ERG: variants seen among roughly 807,000 people sequenced by gnomAD.
The protein encoded by ERG is transcriptional regulator ERG.
In ERG, 9 loss-of-function variants were observed where a neutral mutation model predicts 55.3. The observed-to-expected ratio is 0.16, with a 90% CI of 0.10 to 0.28. The LOEUF is 0.28. Ranked by LOEUF, ERG falls within the 10% of genes least tolerant of loss-of-function variation. ERG has a pLI of 1.00. For missense variants in ERG, 434 were observed against 631.6 expected, an observed-to-expected ratio of 0.69 and a Z score of 3.35; for synonymous variants, 223 against 237.3, an observed-to-expected ratio of 0.94 and a Z score of 0.55.
chr21:38,609,153 G>A (rs1311814205), intron 1 of ERG, among the ~76,000 whole-genome samples: 1 of 152,176 alleles, frequency 6.6e-6, no homozygotes, highest in East Asian at 1.9e-4. Flanking sequence ...ACTCCAGACA[G>A]TAACAAGGGA....
At chr21:38,423,911 G>A (rs944199439) in intron 2 of ERG, among the ~76,000 whole-genome samples, 1 of 152,168 alleles carries the variant, frequency 6.6e-6, no homozygotes, top group African/African-American at 2.4e-5. Context: ...GGGAGGTGGA[G>A]GTTGCAGTGA....
intron 2 of ERG, among the ~76,000 whole-genome samples, chr21:38,559,385 T>C (rs1001925040): frequency 3.2e-4 from 44 of 136,624 alleles, no homozygotes; most frequent in Non-Finnish European, 9.3e-5. Context: ...CCATTTCCCT[T>C]TTTTTTTTTT....
In ERG at chr21:38,461,320, C is replaced by T. The variant is rs184105572; in HGVS notation, c.19-15699G>A. Among the ~76,000 whole-genome samples, 10 of 152,248 alleles carry T rather than the reference C, an allele frequency of 6.6e-5. No homozygotes were observed. In the East Asian group the frequency reaches 1.9e-3, roughly 29 times the overall value. On this transcript the variant is annotated intron_variant, in intron 1 of 9. Transcript: ENST00000288319. ...TACCTCTTTTTATAAGGACATCAGT[C>T]CCACTGAATTAAGGACCACCCTAAG...
At chr21:38,565,366 C>T (rs574530355) in intron 2 of ERG, among the ~76,000 whole-genome samples, 224 of 152,318 alleles carry the variant, frequency 1.5e-3, no homozygotes, top group African/African-American at 5.0e-3. Context: ...AAAATTCAAT[C>T]AGATCACATC....
At chr21:38,420,615 T>A (rs1198526859) in intron 3 of ERG, among the ~76,000 whole-genome samples, 1 of 152,214 alleles carries the variant, frequency 6.6e-6, no homozygotes. Context: ...AAATCCTGGG[T>A]GCTCTGACTT....
rs200402408 is a variant in ERG at position 38,389,657 on chromosome 21, G to A, written c.919+1338C>T. Reference sequence around the variant, plus strand: ...GGCTACTAGATGAAAGCCAGCATGAGCAAAAAGGGCCTGTGGCTCTGTGTT... The same window carrying A: ...GGCTACTAGATGAAAGCCAGCATGAACAAAAAGGGCCTGTGGCTCTGTGTT... On this transcript the variant is annotated intron_variant, in intron 9 of 9. Coordinates refer to ENST00000288319, the MANE Select transcript of ERG (RefSeq NM_182918.4). Among the ~76,000 whole-genome samples, 6 of 151,116 alleles carry A rather than the reference G, an allele frequency of 4.0e-5. No homozygotes were observed. The East Asian group carries it at 9.7e-4, about 24-fold the overall frequency.
At chr21:38,455,075 T>C (rs947004384) in intron 1 of ERG, among the ~76,000 whole-genome samples, 1 of 151,294 alleles carries the variant, frequency 6.6e-6, no homozygotes. Context: ...TATACCATGG[T>C]CTTATAACAT....
upstream of ERG, among the ~76,000 whole-genome samples, chr21:38,589,194 C>T (rs2060085017): frequency 6.6e-6 from 1 of 152,172 alleles, no homozygotes; most frequent in South Asian, 2.1e-4. Context: ...TCCAGAAAAG[C>T]TACCCTCACT....
At chr21:38,421,929 T>G (rs1463694226) in intron 3 of ERG, among the ~76,000 whole-genome samples, 1 of 152,230 alleles carries the variant, frequency 6.6e-6, no homozygotes, top group African/African-American at 2.4e-5. Context: ...TTTGGCTCAC[T>G]GCAACCTCTG....
chr21:38,580,312 T>C (rs2060021245), intron 1 of ERG, among the ~76,000 whole-genome samples: 1 of 152,212 alleles, frequency 6.6e-6, no homozygotes, highest in Non-Finnish European at 1.5e-5. Flanking sequence ...TTCAGAGGTA[T>C]TTTATGGATT....
At chr21:38,508,705 T>A (rs1310907008) in intron 2 of ERG, among the ~76,000 whole-genome samples, 1 of 152,238 alleles carries the variant, frequency 6.6e-6, no homozygotes, top group Non-Finnish European at 1.5e-5. Flanking sequence ...GGCAACTGTA[T>A]TTCCCAAGAT....
intron 3 of ERG, among the ~76,000 whole-genome samples, chr21:38,420,843 C>T (rs990768505): frequency 1.3e-5 from 2 of 152,214 alleles, no homozygotes; most frequent in Non-Finnish European, 1.5e-5. Flanking sequence ...AGCAAGGAAT[C>T]TTCAGTGCAG....
chr21:38,622,958 A>AC (rs1555875453), intron 1 of ERG, among the ~76,000 whole-genome samples: 1 of 143,188 alleles, frequency 7.0e-6, no homozygotes, highest in Admixed American at 6.9e-5. Context: ...CACACACATC[A>AC]GCACACACAC....
At chr21:38,446,392 A>G (rs995842358) in intron 1 of ERG, among the ~76,000 whole-genome samples, 4 of 152,198 alleles carry the variant, frequency 2.6e-5, no homozygotes, top group African/African-American at 7.2e-5. Context: ...GCAATTTGTC[A>G]TTGTTGGATC....
At chr21:38,403,803 GC>G in intron 3 of ERG, 94 bp from the exon 4 acceptor site, 1 of 1,223,034 alleles carries the variant, frequency 8.2e-7, no homozygotes, top group South Asian at 1.3e-5. Context: ...CTGACCAGCT[GC>G]CTTCCACAAG....
At chr21:38,633,355 T>C (rs1007516963) in intron 1 of ERG, among the ~76,000 whole-genome samples, 1 of 152,186 alleles carries the variant, frequency 6.6e-6, no homozygotes, top group Non-Finnish European at 1.5e-5. Context: ...TTAAATATGA[T>C]TAAGATGGTA....
chr21:38,450,417 T>C (rs1417230870), intron 1 of ERG, among the ~76,000 whole-genome samples: 1 of 151,904 alleles, frequency 6.6e-6, no homozygotes, highest in Non-Finnish European at 1.5e-5. Flanking sequence ...AATAAAAAAA[T>C]CTTAAAGAAG....
chr21:38,538,502 T>C (rs558462619), intron 2 of ERG, among the ~76,000 whole-genome samples: 17 of 152,116 alleles, frequency 1.1e-4, no homozygotes, highest in Non-Finnish European at 2.2e-4. Context: ...GGCTTCCATC[T>C]AGCCACTCCC....
chr21:38,552,873 A>C (rs1049352173), intron 2 of ERG, among the ~76,000 whole-genome samples: 2 of 151,976 alleles, frequency 1.3e-5, no homozygotes, highest in African/African-American at 4.8e-5. Flanking sequence ...AACAAAATAC[A>C]TCCAAATGGG....
Sources: allele counts gnomAD v4.1 joint callset (sites outside exome capture counted in the v4.1 genomes callset), GRCh38; gene constraint gnomAD v4.1.1; transcripts MANE v1.5; gene names NCBI Gene and HGNC (gene_info 2026-07-23, HGNC 2026-07-21).